Variants in BRI3 observed in about 807,000 individuals in gnomAD.
The protein encoded by BRI3 is brain protein I3.
A neutral mutation model predicts 12.8 loss-of-function variants in BRI3; 6 were observed. The ratio of observed to expected loss-of-function variants is 0.47; its 90% CI spans 0.26 to 0.93. The LOEUF (loss-of-function observed/expected upper bound fraction) is 0.93, where lower values mean the gene tolerates loss of function less well. Among genes scored for constraint, BRI3 ranks in the 40% least tolerant of loss-of-function variants. BRI3 has a pLI of 0.15. For synonymous variants in BRI3, 91 were observed against 76.1 expected (o/e 1.20, Z -1.02); for missense variants, 134 against 171.1 (o/e 0.78, Z 1.21).
chr7:98,321,284 G>C, the BRI3 span, among the ~76,000 whole-genome samples: 1 of 152,204 alleles, frequency 6.6e-6, no homozygotes, highest in Admixed American at 6.5e-5. Context: ...AATAAAAAAT[G>C]ATTTATTTTT....
At chr7:98,304,730 G>A (rs1274241048), upstream of BRI3, among the ~76,000 whole-genome samples, 3 of 151,458 alleles carry the variant, frequency 2.0e-5, no homozygotes, top group South Asian at 6.3e-4. Flanking sequence ...TGTATTTTTA[G>A]TTGAGATGGG....
At chr7:98,296,615 CT>C (rs1400955016), downstream of BRI3, among the ~76,000 whole-genome samples, 1 of 150,014 alleles carries the variant, frequency 6.7e-6, no homozygotes, top group Non-Finnish European at 1.5e-5. Context: ...CAGAGTGAGA[CT>C]CCATCTGTAA....
downstream of BRI3, chr7:98,315,365 G>A (rs1801035626): frequency 8.3e-7 from 1 of 1,203,984 alleles, no homozygotes; most frequent in East Asian, 2.9e-5. Flanking sequence ...CAAAGTGCTG[G>A]GATTACAGGC....
intron 1 of BRI3, among the ~76,000 whole-genome samples, chr7:98,298,233 T>A (rs915192787): frequency 6.6e-6 from 1 of 152,194 alleles, no homozygotes; most frequent in Non-Finnish European, 1.5e-5. Flanking sequence ...GGATGCTCTA[T>A]GGACACCTAA....
chr7:98,312,148 G>C (rs201882051), downstream of BRI3: 1 of 1,613,948 alleles, frequency 6.2e-7, no homozygotes, highest in Non-Finnish European at 8.5e-7. Context: ...CAGACACGGG[G>C]GTAGAGGCTG....
chr7:98,313,962 C>T (rs1401412535), downstream of BRI3, among the ~76,000 whole-genome samples: 1 of 145,322 alleles, frequency 6.9e-6, no homozygotes, highest in Non-Finnish European at 1.5e-5. Context: ...ATTTAGGGAG[C>T]TGAATACTCC....
downstream of BRI3, chr7:98,294,046 T>C (rs776358441): frequency 5.6e-6 from 9 of 1,611,914 alleles, no homozygotes; most frequent in Non-Finnish European, 7.6e-6. Context: ...TGTCACACAC[T>C]GAGGCTCACG....
At position 98,291,467 on chromosome 7, in the gene BRI3, GTCT is replaced by G. The variant is rs998953618; in HGVS notation, c.*227_*229del. 6.6e-6 allele frequency: 9 copies of G among 1,358,806 alleles called. No individual in the cohort carries two copies. In the African/African-American group the frequency reaches 1.3e-4, roughly 20 times the overall value. 84.2% of individuals were successfully genotyped at this position (1,358,806 alleles called of 1,614,324 possible). A position where few individuals can be genotyped will look rare whatever the true frequency, so the allele number is the denominator to read the frequency against. On this transcript the variant is annotated 3_prime_UTR_variant, in exon 3 of 3. Transcript: ENST00000297290. The stretch of plus-strand genomic sequence containing the variant: ...TAAAGCACTGCTTTTATTTTTTGCA[GTCT>G]TCAATTTGAGAAAGGTGAGAAATAA...
downstream of BRI3, chr7:98,292,735 G>T: frequency 6.4e-7 from 1 of 1,551,494 alleles, no homozygotes; most frequent in Non-Finnish European, 8.7e-7. Flanking sequence ...TGAGTGTACT[G>T]GTAATGGATG....
chr7:98,283,715 G>C (rs1034668035), intron 2 of BRI3, among the ~76,000 whole-genome samples: 6 of 152,196 alleles, frequency 3.9e-5, no homozygotes, highest in African/African-American at 1.4e-4. Flanking sequence ...CCGGTGTCCA[G>C]CCTGCCGGAG....
chr7:98,292,977 C>G, downstream of BRI3: 1 of 1,196,146 alleles, frequency 8.4e-7, no homozygotes, highest in South Asian at 3.5e-5. Flanking sequence ...GGGGTTTCTC[C>G]ATCTCTGGAA....
intron 1 of BRI3, chr7:98,306,881 T>C (rs1800677958): frequency 4.5e-6 from 1 of 224,266 alleles, no homozygotes; most frequent in East Asian, 1.1e-4. Flanking sequence ...TAAAAAGCAA[T>C]ATATGTTGTA....
chr7:98,317,334 G>T, the BRI3 span: 1 of 1,613,918 alleles, frequency 6.2e-7, no homozygotes, highest in South Asian at 1.1e-5. Context: ...CTTGTGTTCT[G>T]TTTGGTATCT....
chr7:98,293,667 A>G, downstream of BRI3: 2 of 1,468,082 alleles, frequency 1.4e-6, no homozygotes, highest in Non-Finnish European at 1.9e-6. Flanking sequence ...CAGTGCTAAT[A>G]ACCCGTTCTT....
chr7:98,318,993 G>A, the BRI3 span, among the ~76,000 whole-genome samples: 1 of 151,484 alleles, frequency 6.6e-6, no homozygotes, highest in African/African-American at 2.4e-5. Context: ...AGTTTCTGAA[G>A]GCATAGCAAT....
rs757686972 is a variant in BRI3, at chr7:98,282,379, C to T, written c.171C>T (p.Tyr57=). The change falls in exon 2 of 3, where the codon TAC becomes TAT. Residue 57 remains tyrosine (Y), a synonymous_variant. Transcript: ENST00000297290. ...TGIPTHHPRV[Y]NIHSRTVTRY... ...TACCCACCCACCATCCCAGGGTCTA[C>T]AACATCCACAGCCGGACCGTCACCC... The T allele has an allele frequency of 1.2e-6, 2 of 1,614,108 alleles. No individual in the cohort carries two copies. Among genetic ancestry groups the T allele is most frequent in the South Asian group, 1.1e-5 (1 of 91,088 alleles).
At chr7:98,302,151 C>G (rs1800455362), upstream of BRI3, among the ~76,000 whole-genome samples, 1 of 152,248 alleles carries the variant, frequency 6.6e-6, no homozygotes, top group Non-Finnish European at 1.5e-5. Context: ...TCTGTCATTA[C>G]TGAGTACACT....
At chr7:98,294,129 A>T (rs758886875), downstream of BRI3, 6 of 1,613,172 alleles carry the variant, frequency 3.7e-6, no homozygotes, top group East Asian at 6.7e-5. Context: ...AAAGATAAAG[A>T]AGTTTATGGA....
chr7:98,293,009 A>G, downstream of BRI3: 1 of 1,091,940 alleles, frequency 9.2e-7, no homozygotes, highest in Non-Finnish European at 1.1e-6. Flanking sequence ...AAACATTTTA[A>G]GTTAAATTAC....
Sources: gnomAD v4.1 joint callset for allele counts (sites outside exome capture counted in the v4.1 genomes callset) on GRCh38, gnomAD v4.1.1 for gene constraint, MANE v1.5 for transcripts, NCBI Gene and HGNC (gene_info 2026-07-23, HGNC 2026-07-21) for gene names.